The following FAM227B variants were observed in gnomAD, a reference collection of about 807,000 sequenced individuals.
FAM227B encodes the protein protein FAM227B.
Under a neutral mutation model 73.8 loss-of-function variants are expected in FAM227B, and 88 were observed. The observed-to-expected ratio is 1.19, with a 90% CI of 1.00 to 1.42. The LOEUF is 1.42. FAM227B is among the 40% of genes most tolerant of loss of function. The pLI is 0.00. For synonymous variants in FAM227B, 210 were observed against 190.5 expected (o/e 1.10, Z -0.84); for missense variants, 632 against 590.9 (o/e 1.07, Z -0.72).
At chr15:49,513,241 T>G (rs1460697239) in intron 10 of FAM227B, among the ~76,000 whole-genome samples, 1 of 152,204 alleles carries the variant, frequency 6.6e-6, no homozygotes, top group Non-Finnish European at 1.5e-5. Context: ...AGTGTTCCTA[T>G]TTCTCCACAG....
At chr15:49,526,297 G>C (rs1392038558) in intron 10 of FAM227B, among the ~76,000 whole-genome samples, 1 of 151,946 alleles carries the variant, frequency 6.6e-6, no homozygotes, top group African/African-American at 2.4e-5. Context: ...TGCTCCTGAA[G>C]GACTTTTGGG....
chr15:49,422,039 A>G (rs2049679812), intron 11 of FAM227B, among the ~76,000 whole-genome samples: 3 of 152,086 alleles, frequency 2.0e-5, no homozygotes, highest in Admixed American at 2.0e-4. Context: ...CACATAAACT[A>G]TAATCCAGTT....
At chr15:49,428,615 C>T (rs1177012783) in intron 11 of FAM227B, among the ~76,000 whole-genome samples, 1 of 151,968 alleles carries the variant, frequency 6.6e-6, no homozygotes, top group African/African-American at 2.4e-5. Flanking sequence ...AGCAGCAGTG[C>T]ACTGGGCACT....
intron 10 of FAM227B, among the ~76,000 whole-genome samples, chr15:49,533,913 G>A (rs901990977): frequency 5.9e-5 from 9 of 151,368 alleles, no homozygotes; most frequent in African/African-American, 1.5e-4. Context: ...TTTGTTTTTC[G>A]TTTTCTGGTT....
intron 11 of FAM227B, among the ~76,000 whole-genome samples, chr15:49,410,734 A>G (rs761438613): frequency 1.3e-5 from 2 of 152,132 alleles, no homozygotes; most frequent in Non-Finnish European, 2.9e-5. Context: ...TTACTGGATA[A>G]AAGTTTAAAT....
At chr15:49,426,382 G>T (rs1053197142) in intron 11 of FAM227B, among the ~76,000 whole-genome samples, 2 of 151,834 alleles carry the variant, frequency 1.3e-5, no homozygotes, top group African/African-American at 4.8e-5. Context: ...TAGCAATAAG[G>T]TTACCAAACC....
intron 13 of FAM227B, among the ~76,000 whole-genome samples, chr15:49,363,229 AT>A (rs1206635694): frequency 6.6e-6 from 1 of 152,186 alleles, no homozygotes; most frequent in Non-Finnish European, 1.5e-5. Context: ...GGCCATTTAA[AT>A]GGTATTGATT....
At chr15:49,388,574 G>A (rs2047019371) in intron 11 of FAM227B, among the ~76,000 whole-genome samples, 1 of 151,572 alleles carries the variant, frequency 6.6e-6, no homozygotes, top group African/African-American at 2.4e-5. Context: ...CACTGACCTA[G>A]GCAAAGAATT....
At chr15:49,591,617 C>G (rs1269835953) in intron 3 of FAM227B, among the ~76,000 whole-genome samples, 1 of 149,490 alleles carries the variant, frequency 6.7e-6, no homozygotes, top group Non-Finnish European at 1.5e-5. Flanking sequence ...TCCCAAGTAG[C>G]TGGGATTACA....
intron 11 of FAM227B, among the ~76,000 whole-genome samples, chr15:49,497,842 A>G (rs897464626): frequency 2.0e-5 from 3 of 152,200 alleles, no homozygotes; most frequent in African/African-American, 7.2e-5. Context: ...ATTCTGGCCC[A>G]TTGTTGCCAT....
At chr15:49,464,892 G>GT (rs2054126666) in intron 11 of FAM227B, among the ~76,000 whole-genome samples, 2 of 152,054 alleles carry the variant, frequency 1.3e-5, no homozygotes, top group African/African-American at 4.8e-5. Context: ...AATGAATAAC[G>GT]TAAGACATAC....
chr15:49,601,226 T>C (rs1218160139), intron 3 of FAM227B, among the ~76,000 whole-genome samples: 1 of 151,028 alleles, frequency 6.6e-6, no homozygotes, highest in Non-Finnish European at 1.5e-5. Context: ...TCTTCCTTTG[T>C]GATTTGATGA....
intron 11 of FAM227B, among the ~76,000 whole-genome samples, chr15:49,444,121 T>C (rs1341605151): frequency 6.6e-6 from 1 of 151,604 alleles, no homozygotes; most frequent in Non-Finnish European, 1.5e-5. Flanking sequence ...AATGCTGGGG[T>C]AGGCAGTGGC....
chr15:49,559,003 T>C (rs1388186588), intron 9 of FAM227B, among the ~76,000 whole-genome samples: 1 of 152,078 alleles, frequency 6.6e-6, no homozygotes, highest in East Asian at 1.9e-4. Context: ...AAACTGTCTG[T>C]ATCAGGTTCA....
At chr15:49,583,873 G>C (rs1300083534) in intron 5 of FAM227B, among the ~76,000 whole-genome samples, 1 of 151,980 alleles carries the variant, frequency 6.6e-6, no homozygotes, top group Non-Finnish European at 1.5e-5. Context: ...GTAATAAATA[G>C]CCTATCAACC....
At chr15:49,545,231 T>A (rs894503220) in intron 9 of FAM227B, among the ~76,000 whole-genome samples, 2 of 152,166 alleles carry the variant, frequency 1.3e-5, no homozygotes, top group Admixed American at 6.5e-5. Flanking sequence ...CCTAGGACAG[T>A]TGTATATTTC....
intron 4 of FAM227B, 44 bp downstream of exon 4, chr15:49,589,732 G>T (rs371217766): frequency 9.2e-5 from 113 of 1,221,972 alleles, no homozygotes; most frequent in South Asian, 6.1e-4. Flanking sequence ...GGGAAACATA[G>T]TGAGACTCCA....
intron 11 of FAM227B, among the ~76,000 whole-genome samples, chr15:49,480,194 A>G (rs1233775477): frequency 1.3e-5 from 2 of 152,258 alleles, no homozygotes; most frequent in Admixed American, 1.3e-4. Flanking sequence ...AATTAAGAAT[A>G]TAAGTCTATT....
At chr15:49,447,667 G>A (rs922868723) in intron 11 of FAM227B, among the ~76,000 whole-genome samples, 1 of 151,604 alleles carries the variant, frequency 6.6e-6, no homozygotes, top group Non-Finnish European at 1.5e-5. Flanking sequence ...CTTCATTACT[G>A]AAGAAGATGA....
Sources: allele counts gnomAD v4.1 joint callset (sites outside exome capture counted in the v4.1 genomes callset), GRCh38; gene constraint gnomAD v4.1.1; transcripts MANE v1.5; gene names NCBI Gene and HGNC (gene_info 2026-07-23, HGNC 2026-07-21).